The following ITGA8 variants were observed in gnomAD, a reference collection of about 807,000 sequenced individuals.
ITGA8 encodes integrin subunit alpha 8.
Under a neutral mutation model 142.3 loss-of-function variants are expected in ITGA8, and 91 were observed. The ratio of observed to expected loss-of-function variants is 0.64; its 90% CI spans 0.54 to 0.76. ITGA8 has a LOEUF of 0.76. Ranked by LOEUF, ITGA8 falls within the 30% of genes least tolerant of loss-of-function variation. The pLI is 0.00. For missense variants in ITGA8, 1,406 were observed against 1,327.7 expected (o/e 1.06, Z -0.92); for synonymous variants, 505 against 485.2 (o/e 1.04, Z -0.54).
intron 25 of ITGA8, among the ~76,000 whole-genome samples, chr10:15,559,738 C>T (rs1314135873): frequency 2.1e-5 from 3 of 146,288 alleles, no homozygotes; most frequent in Non-Finnish European, 4.5e-5. Context: ...AAACCAAACA[C>T]TGCATGTTCT....
intron 15 of ITGA8, 87 bp downstream of exon 15, chr10:15,613,573 C>A: frequency 1.0e-6 from 1 of 963,700 alleles, no homozygotes; most frequent in South Asian, 1.4e-5. Flanking sequence ...CTACCCCAGA[C>A]TTACTGAATC....
chr10:15,608,069 T>C (rs1833228193), intron 16 of ITGA8, among the ~76,000 whole-genome samples, 166 bp downstream of exon 16: 1 of 152,212 alleles, frequency 6.6e-6, no homozygotes, highest in South Asian at 2.1e-4. Context: ...TAAATAATAG[T>C]ATTACCAAGT....
At chr10:15,703,727 C>G (rs1219067587) in intron 2 of ITGA8, among the ~76,000 whole-genome samples, 1 of 152,130 alleles carries the variant, frequency 6.6e-6, no homozygotes, top group Non-Finnish European at 1.5e-5. Context: ...AGTTTTTTCT[C>G]TCATCTGTCC....
chr10:15,519,095 T>C lies in ITGA8; in HGVS notation c.3105+195A>G, dbSNP rs146164092. Among the ~76,000 whole-genome samples, 616 of 152,348 alleles carry C rather than the reference T, an allele frequency of 4.0e-3. 5 individuals carry two copies. The highest frequency in any genetic ancestry group is 0.014 in the African/African-American group (585 of 41,580). Reference sequence around the variant, plus strand: ...AAGCAACATTAAGCACCTCTAGTCATCTTAAATGTCAGCTATATAAACATA... The same window carrying C: ...AAGCAACATTAAGCACCTCTAGTCACCTTAAATGTCAGCTATATAAACATA... On this transcript the variant is annotated intron_variant, in intron 29 of 29. Coordinates refer to ENST00000378076, the MANE Select transcript of ITGA8 (RefSeq NM_003638.3).
chr10:15,712,804 G>A (rs1169636423), intron 2 of ITGA8, among the ~76,000 whole-genome samples: 1 of 152,178 alleles, frequency 6.6e-6, no homozygotes, highest in Non-Finnish European at 1.5e-5. Context: ...ATGTAAAAGT[G>A]TGTTTTTCCT....
chr10:15,711,916 C>T (rs1835370998), intron 2 of ITGA8, among the ~76,000 whole-genome samples: 1 of 152,186 alleles, frequency 6.6e-6, no homozygotes, highest in Non-Finnish European at 1.5e-5. Context: ...AGGTGGAGCT[C>T]CACTCCTTCC....
At chr10:15,580,585 C>CT (rs1288552114) in intron 23 of ITGA8, among the ~76,000 whole-genome samples, 1 of 152,152 alleles carries the variant, frequency 6.6e-6, no homozygotes, top group Non-Finnish European at 1.5e-5. Context: ...ATCATCAACA[C>CT]TAAATGTGTT....
chr10:15,718,653 C>T, intron 2 of ITGA8, 113 bp downstream of exon 2: 1 of 1,322,460 alleles, frequency 7.6e-7, no homozygotes, highest in East Asian at 2.3e-5. Context: ...ACAATACGGA[C>T]ATATCAGACA....
At chr10:15,660,959 TCACACACACAAA>T (rs759729071) in intron 8 of ITGA8, 37 bp from the exon 9 acceptor site, 3 of 1,555,610 alleles carry the variant, frequency 1.9e-6, no homozygotes, top group Admixed American at 1.7e-5. Context: ...GGGGAATTAC[TCACACACACAAA>T]CACACACACA....
At chr10:15,702,130 C>T (rs951769290) in intron 2 of ITGA8, among the ~76,000 whole-genome samples, 5 of 152,080 alleles carry the variant, frequency 3.3e-5, no homozygotes, top group Admixed American at 6.5e-5. Flanking sequence ...GTTTTCCTTA[C>T]GATGTTCGAG....
chr10:15,518,029 T>G (rs1387851339), intron 29 of ITGA8, among the ~76,000 whole-genome samples: 1 of 152,100 alleles, frequency 6.6e-6, no homozygotes, highest in African/African-American at 2.4e-5. Flanking sequence ...ATAGAGCATA[T>G]ATAGAGGGAG....
At chr10:15,524,833 A>G (rs1222281430) in intron 28 of ITGA8, among the ~76,000 whole-genome samples, 2 of 152,174 alleles carry the variant, frequency 1.3e-5, no homozygotes, top group Non-Finnish European at 2.9e-5. Context: ...AAACTTTGTT[A>G]TTTCTAATAT....
intron 2 of ITGA8, among the ~76,000 whole-genome samples, chr10:15,700,099 C>T (rs1835134214): frequency 6.6e-6 from 1 of 152,162 alleles, no homozygotes; most frequent in Non-Finnish European, 1.5e-5. Context: ...TTTTTCTAGT[C>T]TTTCAACTCT....
intron 13 of ITGA8, among the ~76,000 whole-genome samples, chr10:15,631,032 T>C (rs1354680545): frequency 6.6e-6 from 1 of 152,172 alleles, no homozygotes; most frequent in East Asian, 1.9e-4. Flanking sequence ...GTTTTTTCCT[T>C]GTAAATTTAT....
intron 6 of ITGA8, among the ~76,000 whole-genome samples, chr10:15,676,510 T>A (rs1834633207): frequency 6.6e-6 from 1 of 152,070 alleles, no homozygotes; most frequent in Admixed American, 6.6e-5. Context: ...GTATCACAGT[T>A]GGGGTTTCTT....
chr10:15,716,773 C>G (rs1835461143), intron 2 of ITGA8, among the ~76,000 whole-genome samples: 1 of 149,984 alleles, frequency 6.7e-6, no homozygotes, highest in South Asian at 2.1e-4. Flanking sequence ...TGGGTTCAAG[C>G]AATTCTCCTG....
intron 13 of ITGA8, among the ~76,000 whole-genome samples, chr10:15,617,651 G>T (rs771844978): frequency 4.6e-5 from 7 of 151,996 alleles, no homozygotes; most frequent in Admixed American, 6.6e-5. Flanking sequence ...CACCCGCCTC[G>T]GCCTCCCAAA....
rs575195547 is a variant in ITGA8 at position 15,673,539 on chromosome 10, C to T, written c.677-790G>A. Among the ~76,000 whole-genome samples the T allele has an allele frequency of 7.5e-4, 114 of 152,108 alleles. 1 individual carries two copies. Among genetic ancestry groups the T allele is most frequent in the Admixed American group, 7.4e-3 (113 of 15,294 alleles). On this transcript the variant is annotated intron_variant, in intron 6 of 29. Coordinates refer to ENST00000378076, the MANE Select transcript of ITGA8 (RefSeq NM_003638.3). ...TTTGCTAATAGGATATCAGGCATTA[C>T]AGCCAACATTTCCTTTGGTATTCTA...
chr10:15,535,246 G>A (rs888480775), intron 27 of ITGA8, among the ~76,000 whole-genome samples: 3 of 152,090 alleles, frequency 2.0e-5, no homozygotes, highest in Non-Finnish European at 4.4e-5. Flanking sequence ...TGTGCAGCCC[G>A]AGCCTCCCTG....
Sources: gnomAD v4.1 joint callset for allele counts (sites outside exome capture counted in the v4.1 genomes callset) on GRCh38, gnomAD v4.1.1 for gene constraint, MANE v1.5 for transcripts, NCBI Gene and HGNC (gene_info 2026-07-23, HGNC 2026-07-21) for gene names.